FRMD4B: variants seen among roughly 807,000 people sequenced by gnomAD.
FRMD4B encodes the protein FERM domain containing 4B, also known as FERM domain-containing protein 4B.
In FRMD4B, 74 loss-of-function variants were observed where a neutral mutation model predicts 141.5. The observed-to-expected ratio is 0.52, with a 90% CI of 0.43 to 0.63. The LOEUF (loss-of-function observed/expected upper bound fraction) is 0.63. Ranked by LOEUF, FRMD4B falls within the 30% of genes least tolerant of loss-of-function variation. The pLI, the probability that FRMD4B is intolerant of heterozygous loss-of-function variation, is 0.00. For synonymous variants in FRMD4B, 506 were observed against 467.9 expected, an observed-to-expected ratio of 1.08 and a Z score of -1.05; for missense variants, 1,366 against 1,253.4, an observed-to-expected ratio of 1.09 and a Z score of -1.36.
rs1419714098 is a variant in FRMD4B, at chr3:69,193,111, A to C, written c.1714+537T>G. Among the ~76,000 whole-genome samples, 2 of 151,954 alleles carry C rather than the reference A, an allele frequency of 1.3e-5. 1 individual carries two copies. The highest frequency in any genetic ancestry group is 6.3e-3 in the Middle Eastern group (2 of 316). On this transcript the variant is annotated intron_variant, in intron 17 of 22. Coordinates refer to ENST00000398540, the MANE Select transcript of FRMD4B (RefSeq NM_015123.3). Reference sequence around the variant, plus strand: ...GCTGGGATTATAGGTGTGGGGCGCCATGCTCGTGCTGCCCATATCTTTAAA... The same window carrying C: ...GCTGGGATTATAGGTGTGGGGCGCCCTGCTCGTGCTGCCCATATCTTTAAA...
At chr3:69,506,636 A>G (rs1706601727) in intron 1 of FRMD4B, among the ~76,000 whole-genome samples, 1 of 151,986 alleles carries the variant, frequency 6.6e-6, no homozygotes, top group East Asian at 1.9e-4. Flanking sequence ...CCCTGGCTCA[A>G]GCAATCCTCC....
upstream of FRMD4B, among the ~76,000 whole-genome samples, chr3:69,388,449 G>A (rs9878108): frequency 0.027 from 4,066 of 152,182 alleles, 155 homozygotes; most frequent in African/African-American, 0.089. Flanking sequence ...AATTGTTGGG[G>A]GGTGAGATCA....
rs77242363 is a variant in FRMD4B, at chr3:69,177,990, T to C, written c.2852-1334A>G. On this transcript the variant is annotated intron_variant, in intron 21 of 22. Coordinates refer to ENST00000398540, the MANE Select transcript of FRMD4B (RefSeq NM_015123.3). ...AGGAATTCAGGAAGAAGGGATTTAGTTCTACAGAGGAACTGAACTGGAACA... is the reference window on the plus strand; with the variant it reads ...AGGAATTCAGGAAGAAGGGATTTAGCTCTACAGAGGAACTGAACTGGAACA... 1.7e-3 allele frequency among the ~76,000 whole-genome samples: 262 copies of C among 152,280 alleles called. 2 individuals are homozygous for C. The highest frequency in any genetic ancestry group is 6.0e-3 in the African/African-American group (249 of 41,558).
chr3:69,291,721 C>T (rs534971599), intron 4 of FRMD4B, among the ~76,000 whole-genome samples: 16 of 152,176 alleles, frequency 1.1e-4, no homozygotes, highest in African/African-American at 3.6e-4. Flanking sequence ...TGAAATTGTC[C>T]CTTGGTTTCT....
At chr3:69,458,781 C>T (rs1705658338) in intron 1 of FRMD4B, among the ~76,000 whole-genome samples, 2 of 147,788 alleles carry the variant, frequency 1.4e-5, no homozygotes, top group Admixed American at 1.4e-4. Flanking sequence ...CTCTTATTAC[C>T]TGGGTAGAAT....
chr3:69,494,898 AGAAAG>A (rs369775652), intron 1 of FRMD4B, among the ~76,000 whole-genome samples: 18 of 150,614 alleles, frequency 1.2e-4, no homozygotes, highest in East Asian at 4.0e-4. Context: ...GTCCAAAAAA[AGAAAG>A]GAAAGGAAAG....
intron 1 of FRMD4B, among the ~76,000 whole-genome samples, chr3:69,367,693 T>C (rs1452822053): frequency 6.6e-6 from 1 of 152,226 alleles, no homozygotes; most frequent in African/African-American, 2.4e-5. Flanking sequence ...AATCCCATAG[T>C]ACCGAGGTAC....
At chr3:69,221,443 C>T (rs956339049) in intron 9 of FRMD4B, among the ~76,000 whole-genome samples, 1 of 152,152 alleles carries the variant, frequency 6.6e-6, no homozygotes, top group African/African-American at 2.4e-5. Flanking sequence ...ATTTGGCTAA[C>T]ATTGCATTAA....
intron 1 of FRMD4B, among the ~76,000 whole-genome samples, chr3:69,437,097 G>C (rs1193719622): frequency 1.3e-5 from 2 of 152,086 alleles, no homozygotes; most frequent in African/African-American, 4.8e-5. Flanking sequence ...CACTTAGACA[G>C]AGTCTTACTC....
At chr3:69,447,004 T>A (rs1006709287) in intron 1 of FRMD4B, among the ~76,000 whole-genome samples, 2 of 152,144 alleles carry the variant, frequency 1.3e-5, no homozygotes, top group Non-Finnish European at 2.9e-5. Context: ...TTTTTTTTAA[T>A]GCTAGGGAAA....
intron 1 of FRMD4B, among the ~76,000 whole-genome samples, chr3:69,466,535 A>G (rs1229335872): frequency 6.6e-6 from 1 of 152,156 alleles, no homozygotes; most frequent in Non-Finnish European, 1.5e-5. Context: ...AATAATAAGG[A>G]GGGGAGAAAT....
chr3:69,200,539 A>G (rs2092955620), intron 11 of FRMD4B: 1 of 1,105,256 alleles, frequency 9.0e-7, no homozygotes, highest in African/African-American at 1.6e-5. Context: ...ACTTAGGTGT[A>G]ACTCAATTTC....
At chr3:69,205,059 C>CAAAAAAAAAAAAAAAAAAAAAAAAAAA (rs33955997) in intron 11 of FRMD4B, among the ~76,000 whole-genome samples, 1 of 124,464 alleles carries the variant, frequency 8.0e-6, no homozygotes, top group Non-Finnish European at 1.6e-5. Flanking sequence ...ATGTTTTTAA[C>CAAAAAAAAAAAAAAAAAAAAAAAAAAA]AAAAAAAAAA....
chr3:69,339,819 C>T (rs1702674327), intron 1 of FRMD4B, among the ~76,000 whole-genome samples: 1 of 152,072 alleles, frequency 6.6e-6, no homozygotes, highest in Non-Finnish European at 1.5e-5. Context: ...AGGAGAACAC[C>T]CCTCAGTGTC....
At chr3:69,188,751 G>A (rs558030386) in intron 18 of FRMD4B, among the ~76,000 whole-genome samples, 223 of 110,364 alleles carry the variant, frequency 2.0e-3, no homozygotes, top group South Asian at 3.3e-3. Context: ...GCGACAGAGC[G>A]AGACTCCGTC....
chr3:69,242,691 T>G (rs1346831918), intron 7 of FRMD4B, among the ~76,000 whole-genome samples: 6 of 143,366 alleles, frequency 4.2e-5, no homozygotes, highest in Non-Finnish European at 8.9e-5. Flanking sequence ...TCTCAAAATC[T>G]TAGGAAAAAA....
At chr3:69,531,160 T>C (rs768727163) in intron 1 of FRMD4B, among the ~76,000 whole-genome samples, 16 of 152,208 alleles carry the variant, frequency 1.1e-4, no homozygotes, top group African/African-American at 1.7e-4. Context: ...GCCAAGATTA[T>C]AATGTATATG....
chr3:69,255,118 T>C (rs545920737), intron 5 of FRMD4B, among the ~76,000 whole-genome samples: 2 of 152,302 alleles, frequency 1.3e-5, no homozygotes, highest in Admixed American at 6.5e-5. Context: ...AGAGGTTCAA[T>C]GTTAAATTTT....
intron 5 of FRMD4B, among the ~76,000 whole-genome samples, chr3:69,267,622 T>C (rs1473053014): frequency 1.3e-3 from 31 of 24,318 alleles, no homozygotes; most frequent in Non-Finnish European, 2.1e-3. Context: ...TATATATATA[T>C]ATATATATAT....
Sources: allele counts gnomAD v4.1 joint callset (sites outside exome capture counted in the v4.1 genomes callset), GRCh38; gene constraint gnomAD v4.1.1; transcripts MANE v1.5; gene names NCBI Gene and HGNC (gene_info 2026-07-23, HGNC 2026-07-21).